The following ZDHHC20 variants were observed in gnomAD, a reference collection of about 807,000 sequenced individuals.
ZDHHC20 encodes the protein zDHHC palmitoyltransferase 20.
A neutral mutation model predicts 57.8 loss-of-function variants in ZDHHC20; 43 were observed. The ratio of observed to expected loss-of-function variants is 0.74; its 90% CI spans 0.58 to 0.96. The LOEUF (loss-of-function observed/expected upper bound fraction) is 0.96, where lower values mean the gene tolerates loss of function less well. Among genes scored for constraint, ZDHHC20 ranks in the 40% least tolerant of loss-of-function variants. The probability of loss-of-function intolerance (pLI) is 0.00; values close to 1 mark genes in which losing one functional copy is unlikely to be tolerated. For synonymous variants in ZDHHC20, 157 were observed against 153.0 expected (o/e 1.03, Z -0.19); for missense variants, 391 against 441.1 (o/e 0.89, Z 1.02).
chr13:21,402,209 G>C (rs1877732861), intron 5 of ZDHHC20, among the ~76,000 whole-genome samples: 1 of 152,102 alleles, frequency 6.6e-6, no homozygotes, highest in African/African-American at 2.4e-5. Context: ...CAAAAGTTTA[G>C]GAGGAAATAA....
chr13:21,383,483 GTA>G (rs112785078), intron 9 of ZDHHC20, among the ~76,000 whole-genome samples: 3,767 of 152,234 alleles, frequency 0.025, 141 homozygotes, highest in African/African-American at 0.082. Flanking sequence ...CCAGTTTCGG[GTA>G]TGTCTTCATT....
chr13:21,456,020 A>T (rs1884896117), intron 1 of ZDHHC20, among the ~76,000 whole-genome samples: 2 of 152,190 alleles, frequency 1.3e-5, no homozygotes, highest in African/African-American at 4.8e-5. Context: ...CCTTATGGGG[A>T]TCATTATTAA....
intron 3 of ZDHHC20, among the ~76,000 whole-genome samples, chr13:21,414,410 G>C (rs1336383699): frequency 1.3e-5 from 2 of 150,992 alleles, no homozygotes; most frequent in Non-Finnish European, 2.9e-5. Flanking sequence ...GCCCAGGCTA[G>C]AGTGCAGTGG....
chr13:21,411,650 G>A (rs1005108702), intron 4 of ZDHHC20, among the ~76,000 whole-genome samples: 7 of 152,192 alleles, frequency 4.6e-5, no homozygotes, highest in African/African-American at 1.4e-4. Context: ...AACAGACCTT[G>A]TAAGAAAAGG....
intron 3 of ZDHHC20, among the ~76,000 whole-genome samples, chr13:21,416,150 A>G (rs1879934325): frequency 6.7e-6 from 1 of 148,740 alleles, no homozygotes; most frequent in South Asian, 2.1e-4. Flanking sequence ...GGTTGCAGTG[A>G]GCCGAGGTCA....
rs774681548 is a variant in ZDHHC20, at chr13:21,375,136, AAAG to A, written c.*1557_*1559del. The A allele has an allele frequency of 1.2e-4, 54 of 456,538 alleles. No homozygotes were observed. Among genetic ancestry groups the A allele is most frequent in the South Asian group, 6.5e-4 (42 of 64,566 alleles). 28.3% of individuals were successfully genotyped at this position (456,538 alleles called of 1,614,324 possible). On this transcript the variant is annotated 3_prime_UTR_variant, in exon 13 of 13. Transcript: ENST00000400590. ...GAGACAGAGCAAAACTCTGTGGAAA[AAAG>A]AAGAAAAAAATTTATTGGGTGAATG... is the stretch of plus-strand genomic sequence containing the variant.
In ZDHHC20 at chr13:21,391,836, G is replaced by T; in HGVS notation, c.613C>A (p.Arg205Ser). 1 of 1,612,092 alleles carries T rather than the reference G, an allele frequency of 6.2e-7. No individual in the cohort carries two copies. The highest frequency in any genetic ancestry group is 8.5e-7 in the Non-Finnish European group (1 of 1,179,210). ...AGAAAAAGTACGTGGAATTTTGCAC[G>T]TGTATCTGTCAGTTCATTCTGAGGA... The part of the protein sequence containing the change: ...KFWTNELTDT[R>S]AKFHVLFLFF... Residue 205 changes from arginine (R) to serine (S), a missense_variant, in exon 8 of 13, where the codon CGT becomes AGT. Physicochemically the swap from Arg to Ser is moderately radical, Grantham distance 110. Around this residue, in one of 3 missense-constraint regions of ZDHHC20, gnomAD observed 197 missense variants for 220.8 expected, o/e 0.89. Transcript: ENST00000400590.
intron 11 of ZDHHC20, among the ~76,000 whole-genome samples, chr13:21,380,314 C>T (rs913980077): frequency 9.2e-5 from 14 of 151,432 alleles, no homozygotes; most frequent in African/African-American, 2.7e-4. Flanking sequence ...TGGGGTTTCA[C>T]CACGTTCGCC....
At chr13:21,377,863 G>A (rs947167021) in intron 12 of ZDHHC20, 1 of 152,424 alleles carries the variant, frequency 6.6e-6, no homozygotes, top group African/African-American at 2.4e-5. Context: ...ACAGGAACAG[G>A]ATGATAAATG....
At chr13:21,401,570 C>G (rs1034912053) in intron 6 of ZDHHC20, 83 bp downstream of exon 6, 1 of 1,247,442 alleles carries the variant, frequency 8.0e-7, no homozygotes, top group African/African-American at 1.5e-5. Context: ...AGTAAACTGG[C>G]CTTCAAAATT....
Position 21,375,575 on chromosome 13 carries a change from G to A in ZDHHC20, c.*1121C>T, listed in dbSNP as rs1239827076. Reference sequence around the variant, plus strand: ...ATCCACTTCTCAAGAGACTGGGAATGTAAAATGACCACTCAGGTTAGAATT... The same window carrying A: ...ATCCACTTCTCAAGAGACTGGGAATATAAAATGACCACTCAGGTTAGAATT... On this transcript the variant is annotated 3_prime_UTR_variant, in exon 13 of 13. Transcript: ENST00000400590. 2 of 154,160 alleles carry A rather than the reference G, an allele frequency of 1.3e-5. No homozygotes were observed. Among genetic ancestry groups the A allele is most frequent in the African/African-American group, 2.4e-5 (1 of 41,458 alleles). 9.5% of individuals were successfully genotyped at this position (154,160 alleles called of 1,614,324 possible).
intron 3 of ZDHHC20, among the ~76,000 whole-genome samples, chr13:21,414,423 T>C (rs1023622532): frequency 1.4e-5 from 2 of 148,096 alleles, no homozygotes; most frequent in Non-Finnish European, 3.0e-5. Context: ...TGCAGTGGAG[T>C]GATTTCGGCT....
intron 3 of ZDHHC20, among the ~76,000 whole-genome samples, chr13:21,420,557 A>G (rs1880534570): frequency 6.6e-6 from 1 of 152,220 alleles, no homozygotes. Context: ...ACTGGTCATA[A>G]AACCTACTCC....
intron 4 of ZDHHC20, 76 bp from the exon 5 acceptor site, chr13:21,402,942 T>C (rs1566080633): frequency 9.0e-7 from 1 of 1,114,322 alleles, no homozygotes; most frequent in African/African-American, 1.6e-5. Context: ...CTTGATTTTC[T>C]AAAAAAAATA....
chr13:21,411,263 C>T (rs959496712), intron 4 of ZDHHC20, among the ~76,000 whole-genome samples: 1 of 152,180 alleles, frequency 6.6e-6, no homozygotes, highest in African/African-American at 2.4e-5. Flanking sequence ...CTGCCTTCTG[C>T]GTTGGTCTCA....
intron 4 of ZDHHC20, among the ~76,000 whole-genome samples, chr13:21,409,344 T>C (rs775933041): frequency 6.6e-6 from 1 of 152,228 alleles, no homozygotes; most frequent in Non-Finnish European, 1.5e-5. Flanking sequence ...TGGGAGGGTA[T>C]ATGTGTCCAG....
At chr13:21,419,307 T>C (rs894319635) in intron 3 of ZDHHC20, among the ~76,000 whole-genome samples, 1 of 152,216 alleles carries the variant, frequency 6.6e-6, no homozygotes, top group African/African-American at 2.4e-5. Flanking sequence ...CAAAAGACTA[T>C]ACAGCATTAC....
chr13:21,399,979 G>A (rs1467316084), intron 7 of ZDHHC20, among the ~76,000 whole-genome samples: 1 of 151,450 alleles, frequency 6.6e-6, no homozygotes, highest in Non-Finnish European at 1.5e-5. Flanking sequence ...TATAAAGACA[G>A]GAAGCAGTTT....
At chr13:21,454,912 T>TGTTTGTTG (rs373666384) in intron 1 of ZDHHC20, among the ~76,000 whole-genome samples, 2 of 151,742 alleles carry the variant, frequency 1.3e-5, no homozygotes, top group East Asian at 3.9e-4. Context: ...TTTGTTTGTT[T>TGTTTGTTG]GTTTGTTGGT....
Sources: allele counts gnomAD v4.1 joint callset (sites outside exome capture counted in the v4.1 genomes callset), GRCh38; gene constraint gnomAD v4.1.1; regional missense constraint gnomAD v4.1.1; transcripts MANE v1.5; gene names NCBI Gene and HGNC (gene_info 2026-07-23, HGNC 2026-07-21).